The following PIK3CB variants were observed in gnomAD, a reference collection of about 807,000 sequenced individuals.
PIK3CB encodes the protein phosphatidylinositol-4,5-bisphosphate 3-kinase catalytic subunit beta, also known as phosphatidylinositol 4,5-bisphosphate 3-kinase catalytic subunit beta isoform.
In PIK3CB, 39 loss-of-function variants were observed where a neutral mutation model predicts 136.8. The observed-to-expected ratio is 0.29, with a 90% CI of 0.22 to 0.37. The LOEUF (loss-of-function observed/expected upper bound fraction) is 0.37, where lower values mean the gene tolerates loss of function less well. Ranked by LOEUF, PIK3CB falls within the 10% of genes least tolerant of loss-of-function variation. The pLI is 1.00. For synonymous variants in PIK3CB, 428 were observed against 436.6 expected (o/e 0.98, Z 0.25); for missense variants, 868 against 1,275.4 (o/e 0.68, Z 4.87).
intron 1 of PIK3CB, among the ~76,000 whole-genome samples, chr3:138,803,004 A>G (rs2046194172): frequency 6.6e-6 from 1 of 152,226 alleles, no homozygotes; most frequent in Admixed American, 6.5e-5. Flanking sequence ...TCTTATGATA[A>G]ATTGACAGCA....
At chr3:138,793,928 G>A (rs970817563) in intron 2 of PIK3CB, among the ~76,000 whole-genome samples, 91 of 152,280 alleles carry the variant, frequency 6.0e-4, no homozygotes, top group African/African-American at 2.0e-3. Context: ...AAGGAGTTTA[G>A]ACTCAAAGTC....
At chr3:138,681,288 T>G (rs589986) in intron 19 of PIK3CB, among the ~76,000 whole-genome samples, 74,400 of 151,874 alleles carry the variant, frequency 0.49, 20,734 homozygotes, top group East Asian at 0.98. Context: ...TCAAGTGATC[T>G]GCCCGCTTTG....
At chr3:138,788,656 C>CAA (rs71146142) in intron 2 of PIK3CB, among the ~76,000 whole-genome samples, 7,121 of 37,448 alleles carry the variant, frequency 0.19, 809 homozygotes, top group Non-Finnish European at 0.24. Flanking sequence ...GACTTTGTCT[C>CAA]AAAAAAAAAA....
intron 1 of PIK3CB, among the ~76,000 whole-genome samples, chr3:138,815,795 T>G (rs114344703): frequency 6.6e-6 from 1 of 152,196 alleles, no homozygotes; most frequent in Non-Finnish European, 1.5e-5. Context: ...TGAGCACCCA[T>G]GGATTTTGAC....
At chr3:138,788,656 CAAAAA>C (rs71146142) in intron 2 of PIK3CB, among the ~76,000 whole-genome samples, 7 of 37,720 alleles carry the variant, frequency 1.9e-4, no homozygotes, top group Non-Finnish European at 2.7e-4. Flanking sequence ...GACTTTGTCT[CAAAAA>C]AAAAAAAAAA....
chr3:138,666,178 AT>A (rs1037197178), intron 19 of PIK3CB, among the ~76,000 whole-genome samples: 19 of 151,642 alleles, frequency 1.3e-4, no homozygotes, highest in Non-Finnish European at 2.5e-4. Flanking sequence ...TCTTTTGGCC[AT>A]TTTTTTTAAG....
At chr3:138,722,658 T>C (rs2044752125) in intron 8 of PIK3CB, among the ~76,000 whole-genome samples, 1 of 148,426 alleles carries the variant, frequency 6.7e-6, no homozygotes, top group East Asian at 2.0e-4. Flanking sequence ...GTATAGGAAA[T>C]GAAGTAGAAT....
chr3:138,822,541 TAAAAGA>T (rs930658916), intron 1 of PIK3CB, among the ~76,000 whole-genome samples: 3 of 149,956 alleles, frequency 2.0e-5, no homozygotes, highest in East Asian at 2.0e-4. Context: ...GTCTCAAAAA[TAAAAGA>T]AAAAGAAAAA....
chr3:138,785,261 C>T (rs966858620), intron 2 of PIK3CB, among the ~76,000 whole-genome samples: 3 of 151,622 alleles, frequency 2.0e-5, no homozygotes, highest in African/African-American at 7.3e-5. Context: ...GCCCGGCAGC[C>T]GCCCCCTCCA....
intron 1 of PIK3CB, among the ~76,000 whole-genome samples, chr3:138,826,829 G>A (rs553353472): frequency 1.3e-5 from 2 of 152,256 alleles, no homozygotes; most frequent in South Asian, 4.1e-4. Flanking sequence ...AGCACTTTGG[G>A]AGGCCAAGGC....
intron 19 of PIK3CB, among the ~76,000 whole-genome samples, chr3:138,676,853 T>G (rs1245267991): frequency 6.6e-6 from 1 of 151,960 alleles, no homozygotes; most frequent in Non-Finnish European, 1.5e-5. Flanking sequence ...GGGAGGGGGT[T>G]GGGGGTAACA....
At chr3:138,755,482 T>A (rs2045548255) in intron 4 of PIK3CB, among the ~76,000 whole-genome samples, 1 of 152,116 alleles carries the variant, frequency 6.6e-6, no homozygotes, top group Admixed American at 6.5e-5. Flanking sequence ...TCTCTATTTT[T>A]AAAAATTAAA....
chr3:138,694,677 T>C, intron 14 of PIK3CB, 109 bp downstream of exon 14: 1 of 1,137,332 alleles, frequency 8.8e-7, no homozygotes, highest in Non-Finnish European at 1.2e-6. Flanking sequence ...CTTTGAACTG[T>C]GAATAATTCT....
chr3:138,828,184 CT>C (rs1176715980), intron 1 of PIK3CB, among the ~76,000 whole-genome samples: 1,762 of 131,070 alleles, frequency 0.013, 8 homozygotes, highest in African/African-American at 0.041. Flanking sequence ...ATTAAATTTC[CT>C]TTTTTTTTTT....
intron 1 of PIK3CB, among the ~76,000 whole-genome samples, chr3:138,823,497 G>A (rs928807773): frequency 2.0e-5 from 3 of 151,926 alleles, no homozygotes; most frequent in South Asian, 4.1e-4. Context: ...GAGGTCAGGA[G>A]ATCGAGACCA....
At chr3:138,785,825 T>TAAA (rs1039124528) in intron 2 of PIK3CB, among the ~76,000 whole-genome samples, 1 of 117,218 alleles carries the variant, frequency 8.5e-6, no homozygotes, top group Non-Finnish European at 1.8e-5. Flanking sequence ...AATAAATACT[T>TAAA]AAAAAAAAAA....
intron 19 of PIK3CB, among the ~76,000 whole-genome samples, chr3:138,673,101 A>C (rs1371265648): frequency 6.6e-6 from 1 of 152,110 alleles, no homozygotes; most frequent in Non-Finnish European, 1.5e-5. Context: ...GCCAGAGCAC[A>C]CAGAGACTTG....
At chr3:138,708,263 C>CTTTTTTTT (rs61178842) in intron 10 of PIK3CB, among the ~76,000 whole-genome samples, 1 of 108,888 alleles carries the variant, frequency 9.2e-6, no homozygotes, top group Admixed American at 1.1e-4. Context: ...TTTTCTTTTT[C>CTTTTTTTT]TTTTTTTTTT....
chr3:138,653,756 C>T lies in PIK3CB; in HGVS notation c.*1633G>A, dbSNP rs887925252. 7 of 190,080 alleles carry T rather than the reference C, an allele frequency of 3.7e-5. No individual in the cohort carries two copies. Among genetic ancestry groups the T allele is most frequent in the Non-Finnish European group, 7.7e-5 (7 of 90,706 alleles). The allele number at this position is 190,080 out of a possible 1,614,324, so 11.8% of individuals were successfully genotyped here. On this transcript the variant is annotated 3_prime_UTR_variant, in exon 24 of 24. Transcript: ENST00000674063. The stretch of plus-strand genomic sequence containing the variant: ...AGAGCTCCAAAGCAGCAGAGTCTGG[C>T]CTTGGCTCAGTGCCAAGTAACTACC...
Sources: allele counts gnomAD v4.1 joint callset (sites outside exome capture counted in the v4.1 genomes callset), GRCh38; gene constraint gnomAD v4.1.1; transcripts MANE v1.5; gene names NCBI Gene and HGNC (gene_info 2026-07-23, HGNC 2026-07-21).